UBAP1: variants seen among roughly 807,000 people sequenced by gnomAD.
UBAP1 encodes the protein ubiquitin-associated protein 1.
UBAP1 carries 5 observed loss-of-function variants against 39.0 expected under a neutral mutation model. The ratio of observed to expected loss-of-function variants is 0.13; its 90% CI spans 0.07 to 0.27. UBAP1 has a LOEUF of 0.27. Ranked by LOEUF, UBAP1 falls within the 10% of genes least tolerant of loss-of-function variation. The pLI is 1.00. For synonymous variants in UBAP1, 211 were observed against 225.1 expected (o/e 0.94, Z 0.56); for missense variants, 490 against 608.1 (o/e 0.81, Z 2.04).
intron 1 of UBAP1, among the ~76,000 whole-genome samples, chr9:34,182,160 G>GTTTGTTTATTTA (rs1554644849): frequency 0.026 from 2,117 of 82,848 alleles, 144 homozygotes; most frequent in African/African-American, 0.058. Flanking sequence ...GATCCCTGAC[G>GTTTGTTTATTTA]TTTATTTATT....
chr9:34,233,107 C>G (rs1833511375), intron 2 of UBAP1, among the ~76,000 whole-genome samples: 4 of 152,192 alleles, frequency 2.6e-5, no homozygotes, highest in African/African-American at 9.7e-5. Flanking sequence ...GATGATCTTA[C>G]TCAGAATCCC....
At chr9:34,195,840 A>C (rs972403966) in intron 1 of UBAP1, among the ~76,000 whole-genome samples, 1 of 141,910 alleles carries the variant, frequency 7.0e-6, no homozygotes, top group African/African-American at 2.7e-5. Flanking sequence ...CAGGTGATCC[A>C]CCTGCCTCGG....
At chr9:34,247,085 C>T (rs187184054) in intron 4 of UBAP1, among the ~76,000 whole-genome samples, 3 of 152,114 alleles carry the variant, frequency 2.0e-5, no homozygotes, top group African/African-American at 4.8e-5. Context: ...ATCTAGATTA[C>T]TCCTAAGAGC....
chr9:34,184,286 T>C (rs1029272923), intron 1 of UBAP1, among the ~76,000 whole-genome samples: 2 of 152,132 alleles, frequency 1.3e-5, no homozygotes, highest in African/African-American at 4.8e-5. Flanking sequence ...ACACTGGGTA[T>C]GTACTAATGA....
chr9:34,199,454 G>A (rs1831243360), intron 1 of UBAP1, among the ~76,000 whole-genome samples: 1 of 152,132 alleles, frequency 6.6e-6, no homozygotes, highest in African/African-American at 2.4e-5. Context: ...CATTTGTAGA[G>A]ATAGTACAGA....
chr9:34,230,278 C>G (rs949318922), intron 2 of UBAP1, among the ~76,000 whole-genome samples: 1 of 151,744 alleles, frequency 6.6e-6, no homozygotes, highest in Non-Finnish European at 1.5e-5. Context: ...GCTGGCCAGG[C>G]TGGTCTCGAA....
At chr9:34,216,642 ATTTTTTTTTT>A (rs57204146) in intron 1 of UBAP1, among the ~76,000 whole-genome samples, 5 of 70,210 alleles carry the variant, frequency 7.1e-5, no homozygotes, top group African/African-American at 1.5e-4. Context: ...CACCATGCTA[ATTTTTTTTTT>A]TTTTTTTTTT....
chr9:34,211,942 A>G (rs1387769671), intron 1 of UBAP1: 1 of 380,344 alleles, frequency 2.6e-6, no homozygotes, highest in Non-Finnish European at 5.2e-6. Context: ...GGAAAAATAG[A>G]ATATCACTGA....
At chr9:34,232,046 G>C (rs1424952662) in intron 2 of UBAP1, among the ~76,000 whole-genome samples, 1 of 152,056 alleles carries the variant, frequency 6.6e-6, no homozygotes, top group Non-Finnish European at 1.5e-5. Flanking sequence ...CTGAGGTTGA[G>C]AAAGGAGTCG....
chr9:34,238,160 G>T (rs1023257531), intron 3 of UBAP1, among the ~76,000 whole-genome samples: 1 of 152,128 alleles, frequency 6.6e-6, no homozygotes, highest in African/African-American at 2.4e-5. Context: ...TGTTTTCAAG[G>T]TTTATCCACG....
intron 3 of UBAP1, among the ~76,000 whole-genome samples, chr9:34,236,519 C>T (rs1303782966): frequency 3.3e-5 from 5 of 152,132 alleles, no homozygotes; most frequent in Non-Finnish European, 7.4e-5. Flanking sequence ...GATTTTGTGT[C>T]CTCTGTTAGA....
rs1832360129 is a variant in UBAP1 at position 34,217,008 on chromosome 9, C to G, written c.-7-3900C>G. ...CATTCATCAACTTCTCCCCATCCCA[C>G]TCCCTGCCCTTCCCTTTACTACCCT... is the stretch of plus-strand genomic sequence containing the variant. On this transcript the variant is annotated intron_variant, in intron 1 of 6. Coordinates refer to ENST00000297661, the MANE Select transcript of UBAP1 (RefSeq NM_016525.5). Among the ~76,000 whole-genome samples the G allele has an allele frequency of 3.3e-5, 5 of 152,134 alleles. No homozygotes were observed. In the South Asian group the frequency reaches 1.0e-3, roughly 32 times the overall value.
intron 4 of UBAP1, among the ~76,000 whole-genome samples, chr9:34,243,074 GTAAACTT>G (rs144236375): frequency 0.019 from 2,877 of 152,290 alleles, 43 homozygotes; most frequent in Non-Finnish European, 0.027. Context: ...CTTGGCCCGG[GTAAACTT>G]GATAGAGTGC....
intron 1 of UBAP1, among the ~76,000 whole-genome samples, chr9:34,198,091 G>C (rs118071530): frequency 6.6e-6 from 1 of 152,266 alleles, no homozygotes; most frequent in East Asian, 1.9e-4. Flanking sequence ...TTGTTCTCTG[G>C]GGTCTGAGGC....
rs1012670637 is a variant in UBAP1, at chr9:34,230,657, A to G, written c.35-3559A>G. Reference sequence around the variant, plus strand: ...AAAATATAAGCATTTTATAAGTGCCATAGAGTTTAAGTGTTGTAATCAACA... The same window carrying G: ...AAAATATAAGCATTTTATAAGTGCCGTAGAGTTTAAGTGTTGTAATCAACA... On this transcript the variant is annotated intron_variant, in intron 2 of 6. Coordinates refer to ENST00000297661, the MANE Select transcript of UBAP1 (RefSeq NM_016525.5). Among the ~76,000 whole-genome samples the G allele has an allele frequency of 9.2e-5, 14 of 152,302 alleles. No homozygotes were observed. In the East Asian group the frequency reaches 2.3e-3, roughly 25 times the overall value.
intron 1 of UBAP1, among the ~76,000 whole-genome samples, chr9:34,182,518 CTTA>C (rs1259121614): frequency 2.0e-5 from 3 of 152,028 alleles, no homozygotes; most frequent in Admixed American, 6.6e-5. Flanking sequence ...GACTAAAATT[CTTA>C]TTATTTTCAG....
chr9:34,233,467 T>C (rs1299150282), intron 2 of UBAP1, among the ~76,000 whole-genome samples: 2 of 151,894 alleles, frequency 1.3e-5, no homozygotes, highest in Middle Eastern at 3.4e-3. Flanking sequence ...TTGAAAATGA[T>C]TTTTTTCTAA....
chr9:34,188,283 ATG>A (rs1255540228), intron 1 of UBAP1, among the ~76,000 whole-genome samples: 1 of 152,222 alleles, frequency 6.6e-6, no homozygotes, highest in Non-Finnish European at 1.5e-5. Context: ...ATCCGTACTT[ATG>A]TAACTACCAT....
chr9:34,247,718 C>T (rs765268459), intron 4 of UBAP1, among the ~76,000 whole-genome samples: 3 of 151,942 alleles, frequency 2.0e-5, no homozygotes, highest in Non-Finnish European at 2.9e-5. Context: ...ACACCTCACC[C>T]GCTGTTTTTT....
Sources: gnomAD v4.1 joint callset for allele counts (sites outside exome capture counted in the v4.1 genomes callset) on GRCh38, gnomAD v4.1.1 for gene constraint, MANE v1.5 for transcripts, NCBI Gene and HGNC (gene_info 2026-07-23, HGNC 2026-07-21) for gene names.